ITGA9: variants seen among roughly 807,000 people sequenced by gnomAD.
ITGA9 encodes the protein integrin alpha-9.
A neutral mutation model predicts 127.8 loss-of-function variants in ITGA9; 56 were observed. The ratio of observed to expected loss-of-function variants is 0.44; its 90% CI spans 0.35 to 0.55. ITGA9 has a LOEUF of 0.55. Among genes scored for constraint, ITGA9 ranks in the 20% least tolerant of loss-of-function variants. The pLI, the probability that ITGA9 is intolerant of heterozygous loss-of-function variation, is 0.00. For synonymous variants in ITGA9, 508 were observed against 514.5 expected, an observed-to-expected ratio of 0.99 and a Z score of 0.17; for missense variants, 1,196 against 1,347.1, an observed-to-expected ratio of 0.89 and a Z score of 1.76.
intron 17 of ITGA9, among the ~76,000 whole-genome samples, chr3:37,666,783 G>A (rs1700590661): frequency 6.6e-6 from 1 of 152,326 alleles, no homozygotes; most frequent in East Asian, 1.9e-4. Context: ...GGCAAAGGGT[G>A]TGATCCAGAG....
intron 15 of ITGA9, among the ~76,000 whole-genome samples, chr3:37,616,927 G>T (rs1379675370): frequency 6.6e-6 from 1 of 152,170 alleles, no homozygotes; most frequent in Non-Finnish European, 1.5e-5. Context: ...CAATTTGCCA[G>T]TCTGTCTTTT....
intron 15 of ITGA9, among the ~76,000 whole-genome samples, chr3:37,615,360 C>T (rs187425160): frequency 1.9e-4 from 29 of 152,258 alleles, no homozygotes; most frequent in African/African-American, 6.3e-4. Flanking sequence ...CTGCTGGATT[C>T]GGTTTGCCAG....
chr3:37,811,673 G>A (rs1054770408), intron 27 of ITGA9, among the ~76,000 whole-genome samples: 6 of 152,304 alleles, frequency 3.9e-5, no homozygotes, highest in South Asian at 4.1e-4. Context: ...CCTCACTGCT[G>A]TCAACCAAGG....
rs554795250 is a variant in ITGA9 at position 37,519,022 on chromosome 3, C to T, written c.1142-238C>T. On this transcript the variant is annotated intron_variant, in intron 10 of 27. Transcript: ENST00000264741. ...CTGGTCTTAAACTCTTGACCTCAGG[C>T]GACCTGCCCGCCTTGGCCTGCCAAA... Among the ~76,000 whole-genome samples, 410 of 151,078 alleles carry T rather than the reference C, an allele frequency of 2.7e-3. 1 individual carries two copies. The highest frequency in any genetic ancestry group is 9.1e-3 in the African/African-American group (374 of 41,204).
At chr3:37,649,186 A>T (rs1427066651) in intron 16 of ITGA9, among the ~76,000 whole-genome samples, 1 of 152,064 alleles carries the variant, frequency 6.6e-6, no homozygotes, top group African/African-American at 2.4e-5. Flanking sequence ...AACAAGACAC[A>T]TAGAAAATAG....
chr3:37,700,099 C>T (rs750803315), intron 18 of ITGA9, among the ~76,000 whole-genome samples: 3 of 152,088 alleles, frequency 2.0e-5, no homozygotes, highest in Non-Finnish European at 4.4e-5. Context: ...TTCTCCTCCT[C>T]AACCTCCCAA....
At chr3:37,572,698 G>A (rs1264003988) in intron 15 of ITGA9, among the ~76,000 whole-genome samples, 1 of 152,134 alleles carries the variant, frequency 6.6e-6, no homozygotes, top group Non-Finnish European at 1.5e-5. Flanking sequence ...GCTTTTTAAG[G>A]ACTACAATCC....
chr3:37,460,836 A>G (rs1448674827), intron 1 of ITGA9, among the ~76,000 whole-genome samples: 2 of 152,058 alleles, frequency 1.3e-5, no homozygotes, highest in Non-Finnish European at 2.9e-5. Context: ...TGATCTGCCC[A>G]CTTTGGCCTC....
At chr3:37,708,156 T>C (rs1701028268) in intron 18 of ITGA9, among the ~76,000 whole-genome samples, 1 of 152,206 alleles carries the variant, frequency 6.6e-6, no homozygotes, top group African/African-American at 2.4e-5. Flanking sequence ...CTCATGTGTC[T>C]GTGGTTAGCT....
chr3:37,554,463 G>C (rs34884945), intron 15 of ITGA9, among the ~76,000 whole-genome samples: 2 of 152,026 alleles, frequency 1.3e-5, no homozygotes, highest in Admixed American at 6.6e-5. Flanking sequence ...CCTTTACTCA[G>C]AGGGGGATGG....
At chr3:37,813,676 A>G (rs1225401545) in intron 27 of ITGA9, among the ~76,000 whole-genome samples, 1 of 152,110 alleles carries the variant, frequency 6.6e-6, no homozygotes, top group Non-Finnish European at 1.5e-5. Context: ...GCTTATTTTG[A>G]GTTTTTATTT....
At chr3:37,649,922 A>T (rs1700414266) in intron 16 of ITGA9, among the ~76,000 whole-genome samples, 1 of 152,206 alleles carries the variant, frequency 6.6e-6, no homozygotes, top group African/African-American at 2.4e-5. Flanking sequence ...AAATGGGAAA[A>T]TTGTTTGTGA....
At chr3:37,529,355 G>A (rs1038972785) in intron 13 of ITGA9, among the ~76,000 whole-genome samples, 1 of 152,116 alleles carries the variant, frequency 6.6e-6, no homozygotes, top group Non-Finnish European at 1.5e-5. Context: ...CAGCAGGAAG[G>A]GCCAAGCAGA....
At chr3:37,512,864 AT>A (rs1355232884) in intron 8 of ITGA9, among the ~76,000 whole-genome samples, 2 of 151,470 alleles carry the variant, frequency 1.3e-5, no homozygotes, top group Non-Finnish European at 2.9e-5. Flanking sequence ...TGCCACATTA[AT>A]TTTTTTTCTT....
At chr3:37,493,699 A>AG (rs1245926961) in intron 4 of ITGA9, among the ~76,000 whole-genome samples, 1 of 152,178 alleles carries the variant, frequency 6.6e-6, no homozygotes, top group Non-Finnish European at 1.5e-5. Flanking sequence ...TCTGAGCCTC[A>AG]ATATTCTTAC....
chr3:37,552,229 A>G (rs1338241224), intron 15 of ITGA9, among the ~76,000 whole-genome samples: 2 of 152,102 alleles, frequency 1.3e-5, no homozygotes, highest in Non-Finnish European at 2.9e-5. Context: ...AGGGCCCGTC[A>G]TGTCTCAGAC....
At chr3:37,735,812 C>T (rs1004459886) in intron 19 of ITGA9, among the ~76,000 whole-genome samples, 1 of 152,162 alleles carries the variant, frequency 6.6e-6, no homozygotes, top group Non-Finnish European at 1.5e-5. Flanking sequence ...ATGAAATTAT[C>T]GTGGGTGATA....
chr3:37,783,455 C>A (rs1697002409), intron 25 of ITGA9, among the ~76,000 whole-genome samples: 2 of 152,136 alleles, frequency 1.3e-5, no homozygotes, highest in South Asian at 4.1e-4. Flanking sequence ...GATCTTCCTG[C>A]CTCAGCTAGT....
chr3:37,623,691 CTGTGTGTGTG>C (rs10581492), intron 15 of ITGA9, among the ~76,000 whole-genome samples: 2 of 149,342 alleles, frequency 1.3e-5, no homozygotes, highest in African/African-American at 2.5e-5. Flanking sequence ...GTGTGTGTGT[CTGTGTGTGTG>C]TGTGTGTGTG....
Sources: gnomAD v4.1 joint callset for allele counts (sites outside exome capture counted in the v4.1 genomes callset) on GRCh38, gnomAD v4.1.1 for gene constraint, MANE v1.5 for transcripts, NCBI Gene and HGNC (gene_info 2026-07-23, HGNC 2026-07-21) for gene names.